RYR3: variants seen among roughly 807,000 people sequenced by gnomAD.
The protein encoded by RYR3 is ryanodine receptor 3.
RYR3 carries 207 observed loss-of-function variants against 584.3 expected under a neutral mutation model. The ratio of observed to expected loss-of-function variants is 0.35; its 90% CI spans 0.32 to 0.40. The LOEUF (loss-of-function observed/expected upper bound fraction) is 0.40, where lower values mean the gene tolerates loss of function less well. Among genes scored for constraint, RYR3 ranks in the 10% least tolerant of loss-of-function variants. The probability of loss-of-function intolerance (pLI) is 1.00; values close to 1 mark genes in which losing one functional copy is unlikely to be tolerated. For missense variants in RYR3, 5,616 were observed against 6,089.2 expected (o/e 0.92, Z 2.59); for synonymous variants, 2,416 against 2,248.5 (o/e 1.07, Z -2.11).
chr15:33,599,651 G>A (rs1176097741), intron 16 of RYR3, among the ~76,000 whole-genome samples: 2 of 152,194 alleles, frequency 1.3e-5, no homozygotes, highest in Non-Finnish European at 2.9e-5. Flanking sequence ...CGGGAGGCAG[G>A]TTTGTCCTAA....
chr15:33,417,047 A>G (rs112157183), intron 1 of RYR3, among the ~76,000 whole-genome samples: 2 of 152,144 alleles, frequency 1.3e-5, no homozygotes, highest in African/African-American at 4.8e-5. Context: ...CTATTCATGT[A>G]TGTGTCTATT....
chr15:33,649,277 T>C (rs1368690816), intron 31 of RYR3, 42 bp downstream of exon 31: 1 of 1,578,122 alleles, frequency 6.3e-7, no homozygotes. Flanking sequence ...ATCGGGCTTC[T>C]CAGTCCCTCC....
Position 33,390,710 on chromosome 15 carries a change from A to G in RYR3, c.51+79614A>G, listed in dbSNP as rs1567148804. Among the ~76,000 whole-genome samples the G allele has an allele frequency of 1.3e-5, 2 of 152,154 alleles. No individual in the cohort carries two copies. The highest frequency in any genetic ancestry group is 1.9e-4 in the East Asian group (1 of 5,186). On this transcript the variant is annotated intron_variant, in intron 1 of 103. Transcript: ENST00000634891. This position sits in a 1 kb window ranked among gnomAD's most constrained non-coding sequence, Gnocchi z 4.2. ...TCTGCGTAGATTGTTTGCACAAACA[A>G]TGTGATTTATGCCGAACACCTGCTT...
chr15:33,499,467 TCA>T (rs1395035710), intron 2 of RYR3, among the ~76,000 whole-genome samples: 1 of 152,150 alleles, frequency 6.6e-6, no homozygotes, highest in East Asian at 1.9e-4. Context: ...TTCCACTAAA[TCA>T]CACAATCCTG....
intron 1 of RYR3, among the ~76,000 whole-genome samples, chr15:33,387,782 C>A (rs1019495878): frequency 1.3e-5 from 2 of 151,486 alleles, no homozygotes; most frequent in Admixed American, 6.6e-5. Flanking sequence ...AAGAACAAAA[C>A]GTTTAATGTA....
rs139530054 is a variant in RYR3 at position 33,864,533 on chromosome 15, G to A, written c.14517+344G>A. 3.3e-4 allele frequency among the ~76,000 whole-genome samples: 51 copies of A among 152,302 alleles called. 1 individual carries two copies. In the East Asian group the frequency reaches 9.4e-3, roughly 28 times the overall value. Reference sequence around the variant, plus strand: ...GAAAAATCAGAGTACAACGGAGTGAGAGACAGGCTAAGAAAGATAACGACC... The same window carrying A: ...GAAAAATCAGAGTACAACGGAGTGAAAGACAGGCTAAGAAAGATAACGACC... On this transcript the variant is annotated intron_variant, in intron 103 of 103. Transcript: ENST00000634891.
chr15:33,698,010 G>A lies in RYR3; in HGVS notation c.6249+14G>A. On this transcript the variant is annotated intron_variant, in intron 40 of 103. Transcript: ENST00000634891. Reference sequence around the variant, plus strand: ...GAGAAATCTCAGGTAATGCTAAAAGGAGAACCTAGCCAGAACTTGTCCCTT... The same window carrying A: ...GAGAAATCTCAGGTAATGCTAAAAGAAGAACCTAGCCAGAACTTGTCCCTT... 1.3e-6 allele frequency: 2 copies of A among 1,564,464 alleles called. No homozygotes were observed. Among genetic ancestry groups the A allele is most frequent in the South Asian group, 1.1e-5 (1 of 90,092 alleles).
At chr15:33,726,983 C>G (rs2068515227) in intron 46 of RYR3, among the ~76,000 whole-genome samples, 1 of 152,246 alleles carries the variant, frequency 6.6e-6, no homozygotes, top group East Asian at 1.9e-4. Flanking sequence ...CTGTGTCCCA[C>G]AGGTACAGAC....
In RYR3 at chr15:33,463,969, T is replaced by G. The variant is rs2048243683; in HGVS notation, c.52-9450T>G. 2.6e-5 allele frequency among the ~76,000 whole-genome samples: 4 copies of G among 152,142 alleles called. No individual in the cohort carries two copies. In the South Asian group the frequency reaches 8.3e-4, roughly 32 times the overall value. On this transcript the variant is annotated intron_variant, in intron 1 of 103. Transcript: ENST00000634891. ...TAAAAGAATGTAATGAATTCCCAGG[T>G]TTTTTGGGGGTTTACTACTTAGTAA...
chr15:33,539,747 A>G (rs947253981), intron 6 of RYR3, among the ~76,000 whole-genome samples: 1 of 151,932 alleles, frequency 6.6e-6, no homozygotes, highest in South Asian at 2.1e-4. Flanking sequence ...AGCATATTTT[A>G]TATGATATAT....
rs111533289 is a variant in RYR3, at chr15:33,768,048, G to A, written c.8706-610G>A. Reference sequence around the variant, plus strand: ...CAAAAAACACAAAAATATACAACATGGGCCTTTCCTAGTTTCCAAGGACCC... The same window carrying A: ...CAAAAAACACAAAAATATACAACATAGGCCTTTCCTAGTTTCCAAGGACCC... On this transcript the variant is annotated intron_variant, in intron 60 of 103. Coordinates refer to ENST00000634891, the MANE Select transcript of RYR3 (RefSeq NM_001036.6). Among the ~76,000 whole-genome samples the A allele has an allele frequency of 1.9e-3, 285 of 152,282 alleles. 4 individuals are homozygous for A. Among genetic ancestry groups the A allele is most frequent in the African/African-American group, 6.4e-3 (264 of 41,552 alleles).
chr15:33,721,867 C>T (rs1388784561), intron 43 of RYR3, among the ~76,000 whole-genome samples: 1 of 152,022 alleles, frequency 6.6e-6, no homozygotes, highest in East Asian at 1.9e-4. Context: ...TCCAGTTCTA[C>T]CACTTAATCA....
At chr15:33,855,324 C>T (rs1474647180) in intron 98 of RYR3, among the ~76,000 whole-genome samples, 1 of 152,198 alleles carries the variant, frequency 6.6e-6, no homozygotes, top group Non-Finnish European at 1.5e-5. Context: ...CTGCCTCAGC[C>T]TCCAGAGTAG....
chr15:33,636,231 C>A, intron 26 of RYR3, 145 bp from the exon 27 acceptor site: 1 of 731,484 alleles, frequency 1.4e-6, no homozygotes, highest in Non-Finnish European at 2.3e-6. Flanking sequence ...ACATAGACCA[C>A]TCCTCCTTGT....
intron 71 of RYR3, 128 bp downstream of exon 71, chr15:33,810,777 G>T: frequency 8.3e-7 from 1 of 1,208,996 alleles, no homozygotes. Context: ...CAGTGTGTAT[G>T]GAGGCAACAC....
intron 100 of RYR3, among the ~76,000 whole-genome samples, chr15:33,860,276 G>T (rs1396633610): frequency 1.3e-5 from 2 of 152,132 alleles, no homozygotes; most frequent in South Asian, 4.2e-4. Flanking sequence ...GCTAGGAGAA[G>T]AGGGAGAGCC....
At chr15:33,476,441 A>G (rs967091556) in intron 2 of RYR3, among the ~76,000 whole-genome samples, 2 of 152,142 alleles carry the variant, frequency 1.3e-5, no homozygotes, top group Non-Finnish European at 2.9e-5. Context: ...TAATTTTACC[A>G]CTTTGTCACA....
chr15:33,327,076 G>A (rs1325106899), intron 1 of RYR3, among the ~76,000 whole-genome samples: 1 of 151,832 alleles, frequency 6.6e-6, no homozygotes, highest in Non-Finnish European at 1.5e-5. Flanking sequence ...CGAGACGCAT[G>A]TTACATCTGT....
In RYR3 at chr15:33,662,182, A is replaced by G. The variant is rs2063205205; in HGVS notation, c.4652A>G (p.Gln1551Arg). Residue 1551 changes from glutamine to arginine, a missense_variant, in exon 35 of 104, where the codon CAG (glutamine) becomes CGG (arginine). By Grantham distance (43) the Gln-to-Arg change is conservative. Coordinates refer to ENST00000634891, the MANE Select transcript of RYR3 (RefSeq NM_001036.6). ...RCVDILELCE[Q>R]EDLMRFHYHT... ...GTGGATATCCTGGAGCTCTGTGAGC[A>G]GGAGGACCTGATGCGGTTCCATTAC... The G allele has an allele frequency of 6.2e-7, 1 of 1,604,534 alleles. No individual in the cohort carries two copies. The highest frequency in any genetic ancestry group is 8.5e-7 in the Non-Finnish European group (1 of 1,176,422).
Sources: gnomAD v4.1 joint callset for allele counts (sites outside exome capture counted in the v4.1 genomes callset) on GRCh38, gnomAD v4.1.1 for gene constraint, Gnocchi (gnomAD v3.1) non-coding constraint, MANE v1.5 for transcripts, NCBI Gene and HGNC (gene_info 2026-07-23, HGNC 2026-07-21) for gene names.